Variants in ADK observed in about 807,000 individuals in gnomAD.
ADK encodes the protein adenosine kinase, also known as N6,N6-dimethyladenosine kinase.
A neutral mutation model predicts 44.7 loss-of-function variants in ADK; 24 were observed. That is an observed-to-expected ratio of 0.54 (90% CI 0.39 to 0.76). The LOEUF (loss-of-function observed/expected upper bound fraction) is 0.76. Among genes scored for constraint, ADK ranks in the 30% least tolerant of loss-of-function variants. The pLI, the probability that ADK is intolerant of heterozygous loss-of-function variation, is 0.00. For synonymous variants in ADK, 128 were observed against 142.6 expected (o/e 0.90, Z 0.73); for missense variants, 321 against 425.1 (o/e 0.76, Z 2.15).
intron 7 of ADK, among the ~76,000 whole-genome samples, chr10:74,547,446 ATTTATTTATT>A (rs1167900404): frequency 0.13 from 2,977 of 23,144 alleles, 112 homozygotes; most frequent in Middle Eastern, 0.29. Flanking sequence ...ATATATATAT[ATTTATTTATT>A]TATTTATTTA....
At chr10:74,626,487 G>A (rs1589310186) in intron 9 of ADK, among the ~76,000 whole-genome samples, 1 of 152,130 alleles carries the variant, frequency 6.6e-6, no homozygotes, top group Non-Finnish European at 1.5e-5. Context: ...ATTTTTAGTA[G>A]AGATGGGGTT....
In ADK at chr10:74,526,672, C is replaced by T. The variant is rs911744671; in HGVS notation, c.726+1246C>T. Among the ~76,000 whole-genome samples, 14 of 152,180 alleles carry T rather than the reference C, an allele frequency of 9.2e-5. No individual in the cohort carries two copies. In the South Asian group the frequency reaches 1.9e-3, roughly 20 times the overall value. ...CCATAGAAATAATATCACAGTGTAT[C>T]TGCAAAGGTGATGGTTACATTGGTT... On this transcript the variant is annotated intron_variant, in intron 7 of 10. Coordinates refer to ENST00000539909, the MANE Select transcript of ADK (RefSeq NM_006721.4).
chr10:74,652,081 T>C (rs962357700), intron 9 of ADK, among the ~76,000 whole-genome samples: 1 of 149,654 alleles, frequency 6.7e-6, no homozygotes. Flanking sequence ...AGAGTATAGA[T>C]CTTGTCACTA....
rs187646628 is a variant in ADK, at chr10:74,411,521, A to G, written c.555+12942A>G. On this transcript the variant is annotated intron_variant, in intron 6 of 10. Coordinates refer to ENST00000539909, the MANE Select transcript of ADK (RefSeq NM_006721.4). ...AGTGTGTGGTAGCATTACATCTTTA[A>G]AAATAAACATACTTTAATTAAAAAT... 3.3e-5 allele frequency among the ~76,000 whole-genome samples: 5 copies of G among 152,364 alleles called. No homozygotes were observed. In the East Asian group the frequency reaches 9.6e-4, roughly 29 times the overall value.
chr10:74,180,081 G>A (rs1333857336), intron 1 of ADK, among the ~76,000 whole-genome samples: 1 of 151,990 alleles, frequency 6.6e-6, no homozygotes, highest in East Asian at 1.9e-4. Flanking sequence ...AGTAGTATGT[G>A]ACTCTTTTCA....
At chr10:74,175,783 TA>T (rs1172023222) in intron 1 of ADK, among the ~76,000 whole-genome samples, 1 of 152,148 alleles carries the variant, frequency 6.6e-6, no homozygotes, top group Non-Finnish European at 1.5e-5. Flanking sequence ...AAATGAAAAT[TA>T]AAAAAATTAT....
chr10:74,472,233 C>T (rs772910376), intron 6 of ADK, among the ~76,000 whole-genome samples: 15 of 152,196 alleles, frequency 9.9e-5, no homozygotes, highest in East Asian at 1.9e-4. Context: ...GGCATCCTTG[C>T]TTTATTCATT....
intron 7 of ADK, among the ~76,000 whole-genome samples, chr10:74,587,681 A>C (rs1206300412): frequency 6.6e-6 from 1 of 151,782 alleles, no homozygotes; most frequent in African/African-American, 2.4e-5. Flanking sequence ...CTCTTGGCAA[A>C]GATAATTTTG....
chr10:74,514,222 C>A (rs964845007), intron 6 of ADK, among the ~76,000 whole-genome samples: 4 of 152,122 alleles, frequency 2.6e-5, no homozygotes, highest in Admixed American at 6.6e-5. Context: ...TTTTATCTTG[C>A]TGCTTTTAGA....
At chr10:74,433,931 G>C (rs575038304) in intron 6 of ADK, among the ~76,000 whole-genome samples, 2 of 152,272 alleles carry the variant, frequency 1.3e-5, no homozygotes, top group South Asian at 4.1e-4. Flanking sequence ...ACATTAATTA[G>C]AAAGGTGTTA....
Position 74,553,190 on chromosome 10 carries a change from GTTTTTTTTTTTTTTTTT to G in ADK, c.726+27777_726+27793del, listed in dbSNP as rs386371837. Among the ~76,000 whole-genome samples, 301 of 60,458 alleles carry G rather than the reference GTTTTTTTTTTTTTTTTT, an allele frequency of 5.0e-3. 3 individuals are homozygous for G. Among genetic ancestry groups the G allele is most frequent in the African/African-American group, 0.02 (282 of 14,398 alleles). The allele number at this position is 60,458 out of a possible 152,430, so 39.7% of individuals were successfully genotyped here. On this transcript the variant is annotated intron_variant, in intron 7 of 10. Coordinates refer to ENST00000539909, the MANE Select transcript of ADK (RefSeq NM_006721.4). ...ACAAGACAATTTTTCAGCACATTGT[GTTTTTTTTTTTTTTTTT>G]TTTTTTTTTTTTGAGACAGAGTCTC... is the stretch of plus-strand genomic sequence containing the variant.
At chr10:74,580,590 A>C (rs1589268187) in intron 7 of ADK, among the ~76,000 whole-genome samples, 1 of 145,408 alleles carries the variant, frequency 6.9e-6, no homozygotes, top group East Asian at 2.1e-4. Flanking sequence ...AAAAAAAAAA[A>C]GGAGTTACCC....
intron 6 of ADK, among the ~76,000 whole-genome samples, chr10:74,455,032 C>T (rs1335779116): frequency 6.6e-6 from 1 of 152,152 alleles, no homozygotes; most frequent in African/African-American, 2.4e-5. Context: ...TCTCACATTC[C>T]TTCACCTTAA....
intron 9 of ADK, among the ~76,000 whole-genome samples, chr10:74,617,743 G>A (rs7921187): frequency 0.19 from 28,652 of 151,764 alleles, 3,064 homozygotes; most frequent in African/African-American, 0.28. Flanking sequence ...TTACAGGCAC[G>A]TACCACCACG....
chr10:74,301,479 A>AC (rs572927050), intron 3 of ADK, among the ~76,000 whole-genome samples: 162 of 147,580 alleles, frequency 1.1e-3, no homozygotes, highest in African/African-American at 3.8e-3. Flanking sequence ...GCACCACTGC[A>AC]CTCCAGCCTG....
intron 2 of ADK, among the ~76,000 whole-genome samples, chr10:74,201,664 GTATGTATGTATGTATC>G (rs1422163825): frequency 2.6e-5 from 3 of 115,934 alleles, no homozygotes; most frequent in African/African-American, 3.8e-5. Flanking sequence ...ATGTATGTAT[GTATGTATGTATGTATC>G]TATCTATCTA....
At chr10:74,435,413 T>C (rs1238127715) in intron 6 of ADK, among the ~76,000 whole-genome samples, 1 of 152,208 alleles carries the variant, frequency 6.6e-6, no homozygotes, top group Non-Finnish European at 1.5e-5. Flanking sequence ...ATGTTGTGTG[T>C]TATCCACAGT....
intron 3 of ADK, among the ~76,000 whole-genome samples, chr10:74,259,148 T>G (rs1483944080): frequency 6.6e-6 from 1 of 151,966 alleles, no homozygotes; most frequent in Admixed American, 6.6e-5. Context: ...TTTCGCCATG[T>G]TGGCCAGGCT....
intron 6 of ADK, among the ~76,000 whole-genome samples, chr10:74,478,978 G>T (rs1405927481): frequency 6.6e-6 from 1 of 152,052 alleles, no homozygotes; most frequent in Non-Finnish European, 1.5e-5. Flanking sequence ...TTTCTAGAAA[G>T]TTCTTCCACA....
Sources: allele counts gnomAD v4.1 joint callset (sites outside exome capture counted in the v4.1 genomes callset), GRCh38; gene constraint gnomAD v4.1.1; transcripts MANE v1.5; gene names NCBI Gene and HGNC (gene_info 2026-07-23, HGNC 2026-07-21).